Variants in AGAP1 observed in about 807,000 individuals in gnomAD.
The protein encoded by AGAP1 is arf-GAP with GTPase, ANK repeat and PH domain-containing protein 1.
AGAP1 carries 29 observed loss-of-function variants against 105.3 expected under a neutral mutation model. That is an observed-to-expected ratio of 0.28 (90% CI 0.21 to 0.38). AGAP1 has a LOEUF of 0.38. Among genes scored for constraint, AGAP1 ranks in the 10% least tolerant of loss-of-function variants. The probability of loss-of-function intolerance (pLI) is 1.00; values close to 1 mark genes in which losing one functional copy is unlikely to be tolerated. For missense variants in AGAP1, 998 were observed against 1,165.1 expected (o/e 0.86, Z 2.09); for synonymous variants, 509 against 485.9 (o/e 1.05, Z -0.63).
chr2:235,810,583 C>T (rs892356247), intron 9 of AGAP1, among the ~76,000 whole-genome samples: 1 of 152,198 alleles, frequency 6.6e-6, no homozygotes, highest in Non-Finnish European at 1.5e-5. Flanking sequence ...TTATGTTAAC[C>T]CCCTTTCACT....
chr2:236,127,490 G>C lies in AGAP1; in HGVS notation c.*3368G>C, dbSNP rs1020855403. The C allele has an allele frequency of 4.6e-5, 7 of 152,356 alleles. No homozygotes were observed. The highest frequency in any genetic ancestry group is 3.3e-4 in the Admixed American group (5 of 15,284). The allele number at this position is 152,356 out of a possible 1,614,324, so 9.4% of individuals were successfully genotyped here. A position where few individuals can be genotyped will look rare whatever the true frequency, so the allele number is the denominator to read the frequency against. On this transcript the variant is annotated 3_prime_UTR_variant, in exon 18 of 18. Coordinates refer to ENST00000304032, the MANE Select transcript of AGAP1 (RefSeq NM_001037131.3). This position sits in a 1 kb window ranked among gnomAD's most constrained non-coding sequence, Gnocchi z 6.6. ...CCAATCGCAGGGTTCTCAGACACAG[G>C]AGAGAGCGGGATCTTAATGAATTGC...
rs183799776 is a variant in AGAP1, at chr2:235,556,615, A to G, written c.163+61766A>G. Among the ~76,000 whole-genome samples the G allele has an allele frequency of 6.4e-4, 97 of 152,322 alleles. No individual in the cohort carries two copies. The highest frequency in any genetic ancestry group is 2.2e-3 in the African/African-American group (93 of 41,578). On this transcript the variant is annotated intron_variant, in intron 1 of 17. Coordinates refer to ENST00000304032, the MANE Select transcript of AGAP1 (RefSeq NM_001037131.3). The surrounding 1 kb of genome is among the most constrained non-coding windows in gnomAD (Gnocchi z 5.3). ...CAGTGGAAGGTGGTCTTCCTTTCCAATACTCTGGTTCCCTCTCTCCCCTAT... is the reference window on the plus strand; with the variant it reads ...CAGTGGAAGGTGGTCTTCCTTTCCAGTACTCTGGTTCCCTCTCTCCCCTAT...
rs537138476 is a variant in AGAP1, at chr2:235,514,150, G to A, written c.163+19301G>A. On this transcript the variant is annotated intron_variant, in intron 1 of 17. Transcript: ENST00000304032. ...CACCTTGGTGTGTGCCAGTGCATGCGCGTGCGCGCGCGCACACACACACAC... is the reference window on the plus strand; with the variant it reads ...CACCTTGGTGTGTGCCAGTGCATGCACGTGCGCGCGCGCACACACACACAC... Among the ~76,000 whole-genome samples the A allele has an allele frequency of 1.1e-4, 9 of 83,410 alleles. 1 individual carries two copies. The South Asian group carries it at 4.5e-3, about 42-fold the overall frequency. The allele number at this position is 83,410 out of a possible 152,430, so 54.7% of individuals were successfully genotyped here. A position where few individuals can be genotyped will look rare whatever the true frequency, so the allele number is the denominator to read the frequency against.
chr2:235,709,029 A>G, intron 1 of AGAP1, 150 bp from the exon 2 acceptor site: 1 of 783,472 alleles, frequency 1.3e-6, no homozygotes, highest in Non-Finnish European at 2.2e-6. Flanking sequence ...AACTGGGACA[A>G]ACTGATCTTT....
chr2:235,590,712 T>TGC lies in AGAP1; in HGVS notation c.163+95864_163+95865dup, dbSNP rs1553574212. ...GTGTGCGTGTGTGTGTGTGTGTGTG[T>TGC]GCATTTTTTTTTTTTTTTTTTTTTT... On this transcript the variant is annotated intron_variant, in intron 1 of 17. Coordinates refer to ENST00000304032, the MANE Select transcript of AGAP1 (RefSeq NM_001037131.3). Among the ~76,000 whole-genome samples the TGC allele has an allele frequency of 5.0e-3, 589 of 117,024 alleles. 7 individuals are homozygous for TGC. Among genetic ancestry groups the TGC allele is most frequent in the East Asian group, 0.014 (55 of 4,040 alleles). 76.8% of individuals were successfully genotyped at this position (117,024 alleles called of 152,430 possible).
In AGAP1 at chr2:235,993,570, C is replaced by G. The variant is rs1249526313; in HGVS notation, c.1645+24947C>G. Among the ~76,000 whole-genome samples the G allele has an allele frequency of 6.6e-6, 1 of 152,138 alleles. No individual in the cohort carries two copies. The highest frequency in any genetic ancestry group is 2.4e-5 in the African/African-American group (1 of 41,422). ...TTTGTGTGATAGAAACCAATGCTTCCCAAAGTTCACATTGTGGAAACTGAA... is the reference window on the plus strand; with the variant it reads ...TTTGTGTGATAGAAACCAATGCTTCGCAAAGTTCACATTGTGGAAACTGAA... On this transcript the variant is annotated intron_variant, in intron 13 of 17. Coordinates refer to ENST00000304032, the MANE Select transcript of AGAP1 (RefSeq NM_001037131.3). This position sits in a 1 kb window ranked among gnomAD's most constrained non-coding sequence, Gnocchi z 5.0.
intron 1 of AGAP1, among the ~76,000 whole-genome samples, chr2:235,644,557 A>C (rs553050006): frequency 1.9e-3 from 296 of 152,240 alleles, no homozygotes; most frequent in Admixed American, 4.2e-3. Flanking sequence ...CTGGAGACCA[A>C]CCATTTTCTC....
intron 2 of AGAP1, among the ~76,000 whole-genome samples, chr2:235,710,113 G>A (rs111531149): frequency 6.6e-5 from 10 of 152,322 alleles, no homozygotes; most frequent in African/African-American, 2.4e-4. Context: ...ACTCCGGCAT[G>A]GGCCTGCCTA....
rs1260210412 is a variant in AGAP1 at position 236,123,065 on chromosome 2, C to CATATGTCA, written c.2371-853_2371-846dup. 1.3e-5 allele frequency among the ~76,000 whole-genome samples: 2 copies of CATATGTCA among 151,832 alleles called. No individual in the cohort carries two copies. Among genetic ancestry groups the CATATGTCA allele is most frequent in the East Asian group, 3.9e-4 (2 of 5,136 alleles). On this transcript the variant is annotated intron_variant, in intron 17 of 17. Transcript: ENST00000304032. The surrounding 1 kb of genome is among the most constrained non-coding windows in gnomAD (Gnocchi z 4.6). The stretch of plus-strand genomic sequence containing the variant: ...ATGTGGTGGAATACTGTATGACTTG[C>CATATGTCA]ATATGTCATGCTTTTTGAGGGGTGG...
intron 1 of AGAP1, among the ~76,000 whole-genome samples, chr2:235,669,072 A>T (rs1253248011): frequency 6.6e-6 from 1 of 152,104 alleles, no homozygotes; most frequent in African/African-American, 2.4e-5. Flanking sequence ...GTAGCCATGG[A>T]GGTTTATCTG....
chr2:235,878,160 A>G (rs1351245036), intron 9 of AGAP1, among the ~76,000 whole-genome samples: 2 of 152,202 alleles, frequency 1.3e-5, no homozygotes, highest in South Asian at 2.1e-4. Context: ...CCTAAGATCC[A>G]TAGGAGGGCA....
In AGAP1 at chr2:235,842,345, C is replaced by A. The variant is rs1203823844; in HGVS notation, c.1050+35014C>A. Among the ~76,000 whole-genome samples the A allele has an allele frequency of 6.6e-6, 1 of 152,222 alleles. No individual in the cohort carries two copies. The highest frequency in any genetic ancestry group is 2.4e-5 in the African/African-American group (1 of 41,442). On this transcript the variant is annotated intron_variant, in intron 9 of 17. Coordinates refer to ENST00000304032, the MANE Select transcript of AGAP1 (RefSeq NM_001037131.3). The surrounding 1 kb of genome is among the most constrained non-coding windows in gnomAD (Gnocchi z 5.3). ...ACGATCCACAGTGGTGTTTTGTTAG[C>A]AGAACCTGTGACTTTGCCACCCTCA... is the stretch of plus-strand genomic sequence containing the variant.
intron 1 of AGAP1, among the ~76,000 whole-genome samples, chr2:235,590,865 C>T (rs1393613876): frequency 7.3e-5 from 11 of 150,544 alleles, no homozygotes; most frequent in African/African-American, 2.7e-4. Flanking sequence ...GGACTACAGG[C>T]ACCTGCCACT....
intron 6 of AGAP1, among the ~76,000 whole-genome samples, chr2:235,782,557 T>G (rs895018967): frequency 1.2e-4 from 18 of 151,928 alleles, no homozygotes; most frequent in African/African-American, 4.3e-4. Context: ...CTGGCACAGA[T>G]CTGAGTTCTT....
chr2:235,894,792 G>T (rs2050725394), intron 10 of AGAP1, among the ~76,000 whole-genome samples: 1 of 152,142 alleles, frequency 6.6e-6, no homozygotes, highest in African/African-American at 2.4e-5. Flanking sequence ...TCCTCTCTTA[G>T]CTGATCCTTC....
intron 1 of AGAP1, among the ~76,000 whole-genome samples, chr2:235,580,422 G>C (rs941401714): frequency 2.0e-5 from 3 of 150,822 alleles, no homozygotes; most frequent in African/African-American, 7.3e-5. Context: ...CACAGTGGCA[G>C]TGCTGGCTTT....
In AGAP1 at chr2:235,556,581, T is replaced by G. The variant is rs1943981508; in HGVS notation, c.163+61732T>G. Among the ~76,000 whole-genome samples, 1 of 152,232 alleles carries G rather than the reference T, an allele frequency of 6.6e-6. No homozygotes were observed. Among genetic ancestry groups the G allele is most frequent in the Non-Finnish European group, 1.5e-5 (1 of 68,038 alleles). The stretch of plus-strand genomic sequence containing the variant: ...GGGAGGGAAGGCATCAGGAGCCTTC[T>G]GCTGAGTTCAGTGGAAGGTGGTCTT... On this transcript the variant is annotated intron_variant, in intron 1 of 17. Transcript: ENST00000304032. This position sits in a 1 kb window ranked among gnomAD's most constrained non-coding sequence, Gnocchi z 5.3.
At chr2:235,911,760 G>C (rs894000726) in intron 11 of AGAP1, among the ~76,000 whole-genome samples, 1 of 152,222 alleles carries the variant, frequency 6.6e-6, no homozygotes, top group Non-Finnish European at 1.5e-5. Flanking sequence ...CGACAAGATT[G>C]AAATCCCTTT....
chr2:235,907,961 AT>A (rs1228214964), intron 10 of AGAP1, among the ~76,000 whole-genome samples: 1 of 152,158 alleles, frequency 6.6e-6, no homozygotes, highest in African/African-American at 2.4e-5. Context: ...AGAAATAATA[AT>A]AATAACAATA....
Sources: gnomAD v4.1 joint callset for allele counts (sites outside exome capture counted in the v4.1 genomes callset) on GRCh38, gnomAD v4.1.1 for gene constraint, Gnocchi (gnomAD v3.1) non-coding constraint, MANE v1.5 for transcripts, NCBI Gene and HGNC (gene_info 2026-07-23, HGNC 2026-07-21) for gene names.